LRRC69: variants seen among roughly 807,000 people sequenced by gnomAD.
LRRC69 encodes leucine rich repeat containing 69.
A neutral mutation model predicts 37.8 loss-of-function variants in LRRC69; 42 were observed. That is an observed-to-expected ratio of 1.11 (90% CI 0.87 to 1.44). The LOEUF (loss-of-function observed/expected upper bound fraction) is 1.44, where lower values mean the gene tolerates loss of function less well. Among genes scored for constraint, LRRC69 ranks in the 40% most tolerant of loss-of-function variants. LRRC69 has a pLI of 0.00. For synonymous variants in LRRC69, 141 were observed against 143.1 expected, an observed-to-expected ratio of 0.99 and a Z score of 0.11; for missense variants, 357 against 401.9, an observed-to-expected ratio of 0.89 and a Z score of 0.96.
intron 5 of LRRC69, among the ~76,000 whole-genome samples, chr8:91,176,306 T>C (rs1163454316): frequency 6.6e-6 from 1 of 151,502 alleles, no homozygotes; most frequent in Non-Finnish European, 1.5e-5. Context: ...ATTTAGTTTT[T>C]TATTTTATTT....
At chr8:91,120,579 C>CTGGAAGGA (rs1377197507) in intron 1 of LRRC69, among the ~76,000 whole-genome samples, 3 of 152,098 alleles carry the variant, frequency 2.0e-5, no homozygotes, top group Non-Finnish European at 4.4e-5. Context: ...TAGCAGCTGT[C>CTGGAAGGA]TGGAAGGATG....
intron 1 of LRRC69, among the ~76,000 whole-genome samples, chr8:91,104,292 C>T (rs549428077): frequency 2.0e-5 from 3 of 152,110 alleles, no homozygotes; most frequent in South Asian, 4.1e-4. Flanking sequence ...TCTCCCCCCT[C>T]ACAAACTCTG....
intron 6 of LRRC69, among the ~76,000 whole-genome samples, chr8:91,192,948 T>C (rs1809527027): frequency 6.6e-6 from 1 of 152,224 alleles, no homozygotes; most frequent in Non-Finnish European, 1.5e-5. Context: ...TGGTATTGCC[T>C]AGGTTTTCTT....
chr8:91,136,181 A>G (rs1380621439), intron 5 of LRRC69, among the ~76,000 whole-genome samples: 4 of 151,980 alleles, frequency 2.6e-5, no homozygotes, highest in Admixed American at 1.3e-4. Context: ...ACCTCATTTT[A>G]TTTCAAATAT....
intron 7 of LRRC69, among the ~76,000 whole-genome samples, chr8:91,217,142 T>G (rs1810064602): frequency 6.6e-6 from 1 of 152,158 alleles, no homozygotes; most frequent in South Asian, 2.1e-4. Flanking sequence ...TCCAACTAGA[T>G]GCTAAGATTC....
chr8:91,110,029 A>G (rs373504112), intron 1 of LRRC69, among the ~76,000 whole-genome samples: 1 of 152,078 alleles, frequency 6.6e-6, no homozygotes, highest in East Asian at 1.9e-4. Flanking sequence ...TACGTTGGCC[A>G]TACATATGCT....
At chr8:91,167,202 A>G (rs1357270999) in intron 5 of LRRC69, among the ~76,000 whole-genome samples, 1 of 151,854 alleles carries the variant, frequency 6.6e-6, no homozygotes, top group Non-Finnish European at 1.5e-5. Flanking sequence ...GGGTAATTAT[A>G]AAGGAAAGAA....
downstream of LRRC69, chr8:91,219,050 C>G (rs907312824): frequency 1.0e-6 from 1 of 971,112 alleles, no homozygotes; most frequent in Non-Finnish European, 1.6e-6. Flanking sequence ...CCTGTCAGCT[C>G]TGCATACACA....
intron 5 of LRRC69, among the ~76,000 whole-genome samples, chr8:91,145,172 T>C (rs1808596491): frequency 6.6e-6 from 1 of 151,988 alleles, no homozygotes; most frequent in African/African-American, 2.4e-5. Context: ...GTGGTTTGCC[T>C]TGTATCAAAA....
chr8:91,182,385 T>G (rs1404761320), intron 5 of LRRC69, among the ~76,000 whole-genome samples: 3 of 152,164 alleles, frequency 2.0e-5, no homozygotes, highest in African/African-American at 7.2e-5. Flanking sequence ...CATAAGATAG[T>G]TAATCCTAAT....
chr8:91,122,684 C>T (rs1403281572), intron 1 of LRRC69, among the ~76,000 whole-genome samples: 1 of 152,006 alleles, frequency 6.6e-6, no homozygotes, highest in Non-Finnish European at 1.5e-5. Context: ...GCGTATCTCG[C>T]CAGTCCTCAG....
At chr8:91,124,670 T>C in intron 2 of LRRC69, 51 bp downstream of exon 2, 1 of 1,413,806 alleles carries the variant, frequency 7.1e-7, no homozygotes, top group Non-Finnish European at 9.4e-7. Context: ...TAATCTCTCA[T>C]ATTTAATAAT....
chr8:91,179,139 T>C (rs748516945), intron 5 of LRRC69, among the ~76,000 whole-genome samples: 3 of 152,204 alleles, frequency 2.0e-5, no homozygotes, highest in Non-Finnish European at 4.4e-5. Context: ...ATTAGGCCAT[T>C]CTTGCATTGC....
intron 5 of LRRC69, among the ~76,000 whole-genome samples, chr8:91,145,151 A>G (rs1808596173): frequency 6.6e-6 from 1 of 151,978 alleles, no homozygotes. Context: ...ACTCCTTGGG[A>G]AAGTGAAATT....
At chr8:91,114,335 G>T (rs1813468909) in intron 1 of LRRC69, among the ~76,000 whole-genome samples, 1 of 151,918 alleles carries the variant, frequency 6.6e-6, no homozygotes, top group Non-Finnish European at 1.5e-5. Context: ...GTATGTTGAA[G>T]AGGTATCCGC....
chr8:91,218,385 T>G (rs1185178137), intron 7 of LRRC69, among the ~76,000 whole-genome samples: 1 of 73,546 alleles, frequency 1.4e-5, no homozygotes, highest in Non-Finnish European at 2.8e-5. Flanking sequence ...ATTTAATTCA[T>G]GTATTAGGCA....
chr8:91,178,225 T>C (rs1809268681), intron 5 of LRRC69, among the ~76,000 whole-genome samples: 1 of 152,224 alleles, frequency 6.6e-6, no homozygotes, highest in African/African-American at 2.4e-5. Context: ...TGATGATATA[T>C]GATAGATGAC....
At chr8:91,141,712 A>G (rs979626752) in intron 5 of LRRC69, among the ~76,000 whole-genome samples, 1 of 152,090 alleles carries the variant, frequency 6.6e-6, no homozygotes, top group Non-Finnish European at 1.5e-5. Flanking sequence ...CAAGATAAAT[A>G]TGTGATTTTT....
chr8:91,167,355 AG>A lies in LRRC69; in HGVS notation c.652-22166del, dbSNP rs1337844620. On this transcript the variant is annotated intron_variant, in intron 5 of 7. Coordinates refer to ENST00000448384, the Ensembl canonical transcript of LRRC69. ...TCCTTTTTATAAAACCATCAGATCT[AG>A]TGAGACTTATTCACTATCACGAGAA... Among the ~76,000 whole-genome samples the A allele has an allele frequency of 3.3e-5, 5 of 151,690 alleles. No homozygotes were observed. In the East Asian group the frequency reaches 9.7e-4, roughly 29 times the overall value.
Sources: allele counts gnomAD v4.1 joint callset (sites outside exome capture counted in the v4.1 genomes callset), GRCh38; gene constraint gnomAD v4.1.1; transcripts MANE v1.5; gene names NCBI Gene and HGNC (gene_info 2026-07-23, HGNC 2026-07-21).